The following DLGAP1 variants were observed in gnomAD, a reference collection of about 807,000 sequenced individuals.
DLGAP1 encodes disks large-associated protein 1.
DLGAP1 carries 11 observed loss-of-function variants against 90.8 expected under a neutral mutation model. That is an observed-to-expected ratio of 0.12 (90% CI 0.08 to 0.20). The LOEUF is 0.20. Among genes scored for constraint, DLGAP1 ranks in the 10% least tolerant of loss-of-function variants. The pLI, the probability that DLGAP1 is intolerant of heterozygous loss-of-function variation, is 1.00. For missense variants in DLGAP1, 1,050 were observed against 1,333.8 expected, an observed-to-expected ratio of 0.79 and a Z score of 3.31; for synonymous variants, 558 against 540.7, an observed-to-expected ratio of 1.03 and a Z score of -0.44.
chr18:3,997,126 G>T, intron 3 of DLGAP1, among the ~76,000 whole-genome samples: 1 of 54,532 alleles, frequency 1.8e-5, no homozygotes, highest in African/African-American at 8.0e-5. Flanking sequence ...CTTTCCCACG[G>T]GAAAGGTTAT....
chr18:3,981,486 C>T (rs957936833), intron 3 of DLGAP1, among the ~76,000 whole-genome samples: 8 of 152,118 alleles, frequency 5.3e-5, no homozygotes, highest in Non-Finnish European at 1.2e-4. Context: ...TAAAAGGTTG[C>T]AAAAAGATTT....
chr18:4,364,087 T>C (rs1272350294), intron 1 of DLGAP1, among the ~76,000 whole-genome samples: 2 of 151,822 alleles, frequency 1.3e-5, no homozygotes, highest in Non-Finnish European at 2.9e-5. Flanking sequence ...TAAAAAATGA[T>C]GAGTTCATGT....
intron 1 of DLGAP1, among the ~76,000 whole-genome samples, chr18:4,328,014 C>A (rs1283050164): frequency 1.3e-5 from 2 of 149,966 alleles, no homozygotes; most frequent in Admixed American, 1.3e-4. Context: ...TCCCCTACCC[C>A]AGAGCAACTA....
intron 5 of DLGAP1, among the ~76,000 whole-genome samples, chr18:3,770,685 G>T (rs1442730053): frequency 6.6e-6 from 1 of 151,864 alleles, no homozygotes; most frequent in Non-Finnish European, 1.5e-5. Flanking sequence ...ATTCTGAACA[G>T]AAAGTATAAT....
At chr18:4,215,082 G>A (rs1163773762) in intron 1 of DLGAP1, among the ~76,000 whole-genome samples, 1 of 151,982 alleles carries the variant, frequency 6.6e-6, no homozygotes, top group African/African-American at 2.4e-5. Context: ...TCACTTTATT[G>A]TATTTTGCTC....
At chr18:4,411,313 G>A (rs2082772258) in intron 1 of DLGAP1, among the ~76,000 whole-genome samples, 1 of 152,194 alleles carries the variant, frequency 6.6e-6, no homozygotes, top group Non-Finnish European at 1.5e-5. Context: ...TAGCCCCTGG[G>A]ATGAGATAAT....
chr18:4,404,902 G>A (rs2082631188), intron 1 of DLGAP1, among the ~76,000 whole-genome samples: 1 of 152,122 alleles, frequency 6.6e-6, no homozygotes, highest in Non-Finnish European at 1.5e-5. Flanking sequence ...TTCTCCCCAT[G>A]CCCTCCTATG....
intron 3 of DLGAP1, among the ~76,000 whole-genome samples, chr18:3,910,117 C>A (rs751532957): frequency 1.3e-5 from 2 of 149,916 alleles, no homozygotes; most frequent in Non-Finnish European, 3.0e-5. Flanking sequence ...AAAATGAATA[C>A]CTGCTGTCGG....
At chr18:3,736,363 T>G (rs1360715997) in intron 6 of DLGAP1, among the ~76,000 whole-genome samples, 1 of 152,226 alleles carries the variant, frequency 6.6e-6, no homozygotes, top group African/African-American at 2.4e-5. Flanking sequence ...TTAATTTTTT[T>G]CCTTATCATC....
At chr18:3,885,917 A>G (rs1038957422) in intron 3 of DLGAP1, among the ~76,000 whole-genome samples, 10 of 152,194 alleles carry the variant, frequency 6.6e-5, no homozygotes, top group Non-Finnish European at 2.9e-5. Flanking sequence ...GGAAATTTTC[A>G]AGGTAGGTAA....
chr18:3,756,978 C>T (rs985863748), intron 5 of DLGAP1, among the ~76,000 whole-genome samples: 10 of 152,128 alleles, frequency 6.6e-5, no homozygotes, highest in African/African-American at 2.2e-4. Context: ...AGGCTCAGAT[C>T]GTTTCACTGG....
intron 3 of DLGAP1, among the ~76,000 whole-genome samples, chr18:3,907,695 A>T (rs2071940445): frequency 6.6e-6 from 1 of 152,130 alleles, no homozygotes; most frequent in Non-Finnish European, 1.5e-5. Context: ...CCACTTCAAG[A>T]TCAAAGGCTG....
Position 3,497,719 on chromosome 18 carries a change from C to T in DLGAP1, c.*1466G>A, listed in dbSNP as rs756830021. On this transcript the variant is annotated 3_prime_UTR_variant, in exon 13 of 13. Coordinates refer to ENST00000315677, the MANE Select transcript of DLGAP1 (RefSeq NM_004746.4). ...CACATCCTAAGTGTTTAAACTGTGACGAGTAAGGGCATTTAAAGACAACTT... is the reference window on the plus strand; with the variant it reads ...CACATCCTAAGTGTTTAAACTGTGATGAGTAAGGGCATTTAAAGACAACTT... 5 of 152,144 alleles carry T rather than the reference C, an allele frequency of 3.3e-5. No individual in the cohort carries two copies. Among genetic ancestry groups the T allele is most frequent in the Admixed American group, 6.6e-5 (1 of 15,262 alleles). The allele number at this position is 152,144 out of a possible 1,614,324, so 9.4% of individuals were successfully genotyped here.
intron 1 of DLGAP1, among the ~76,000 whole-genome samples, chr18:4,351,797 T>A (rs1385865549): frequency 6.6e-6 from 1 of 152,238 alleles, no homozygotes; most frequent in African/African-American, 2.4e-5. Context: ...CAAATTTATT[T>A]TATTCTATAC....
At chr18:4,327,118 A>G (rs993529744) in intron 1 of DLGAP1, among the ~76,000 whole-genome samples, 2 of 152,102 alleles carry the variant, frequency 1.3e-5, no homozygotes, top group African/African-American at 2.4e-5. Context: ...TCGATTAGAC[A>G]TAGAAATAAG....
At chr18:3,644,246 A>G (rs940731338) in intron 7 of DLGAP1, among the ~76,000 whole-genome samples, 2 of 152,102 alleles carry the variant, frequency 1.3e-5, no homozygotes, top group Admixed American at 1.3e-4. Flanking sequence ...AGGGGTTGGA[A>G]TATTTTTGGT....
At chr18:4,448,422 A>G (rs539824129) in intron 1 of DLGAP1, among the ~76,000 whole-genome samples, 2 of 152,326 alleles carry the variant, frequency 1.3e-5, no homozygotes, top group East Asian at 3.9e-4. Flanking sequence ...AAGGCTGGAT[A>G]TATACCTACC....
chr18:3,777,914 C>A (rs1389322787), intron 5 of DLGAP1, among the ~76,000 whole-genome samples: 1 of 152,054 alleles, frequency 6.6e-6, no homozygotes, highest in Non-Finnish European at 1.5e-5. Flanking sequence ...CTTTTCTGAG[C>A]TGGGGGGATG....
At chr18:3,789,836 CAACAATAAAA>C (rs2065642639) in intron 5 of DLGAP1, among the ~76,000 whole-genome samples, 1 of 152,072 alleles carries the variant, frequency 6.6e-6, no homozygotes, top group Non-Finnish European at 1.5e-5. Flanking sequence ...AGATATGAAA[CAACAATAAAA>C]AGGAAATATC....
Sources: gnomAD v4.1 joint callset for allele counts (sites outside exome capture counted in the v4.1 genomes callset) on GRCh38, gnomAD v4.1.1 for gene constraint, MANE v1.5 for transcripts, NCBI Gene and HGNC (gene_info 2026-07-23, HGNC 2026-07-21) for gene names.